TCEA1: variants seen among roughly 807,000 people sequenced by gnomAD.
The protein encoded by TCEA1 is transcription elongation factor A protein 1.
In TCEA1, 21 loss-of-function variants were observed where a neutral mutation model predicts 43.8. The observed-to-expected ratio is 0.48, with a 90% CI of 0.34 to 0.69. TCEA1 has a LOEUF of 0.69. Among genes scored for constraint, TCEA1 ranks in the 30% least tolerant of loss-of-function variants. The pLI is 0.01. For missense variants in TCEA1, 250 were observed against 365.1 expected, an observed-to-expected ratio of 0.68 and a Z score of 2.57; for synonymous variants, 104 against 117.5, an observed-to-expected ratio of 0.88 and a Z score of 0.75.
intron 9 of TCEA1, chr8:53,970,173 C>A (rs756723417): frequency 5.7e-5 from 32 of 561,744 alleles, no homozygotes; most frequent in Non-Finnish European, 8.5e-5. Flanking sequence ...ATTTCCTGCA[C>A]CAAAACAAAT....
intron 2 of TCEA1, among the ~76,000 whole-genome samples, chr8:54,009,570 A>G (rs900865971): frequency 8.5e-5 from 13 of 152,206 alleles, no homozygotes; most frequent in Admixed American, 6.5e-5. Context: ...CAGGCAGAGA[A>G]AGACAAATAC....
At position 54,013,657 on chromosome 8, in the gene TCEA1, G is replaced by T. The variant is rs572876111; in HGVS notation, c.64-3165C>A. Among the ~76,000 whole-genome samples the T allele has an allele frequency of 6.1e-4, 78 of 127,686 alleles. No homozygotes were observed. The South Asian group carries it at 9.0e-3, about 15-fold the overall frequency. The allele number at this position is 127,686 out of a possible 152,430, so 83.8% of individuals were successfully genotyped here. On this transcript the variant is annotated intron_variant, in intron 1 of 9. Coordinates refer to ENST00000521604, the MANE Select transcript of TCEA1 (RefSeq NM_006756.4). ...GATCGTGCCACTGCACTCCAACCTG[G>T]ACGATAGAGCAAAACTCCATCTCAA...
At chr8:54,008,153 A>G (rs1804535439) in intron 2 of TCEA1, among the ~76,000 whole-genome samples, 1 of 141,476 alleles carries the variant, frequency 7.1e-6, no homozygotes, top group Non-Finnish European at 1.5e-5. Context: ...ATCCTGGGCC[A>G]CAGAGTGAAA....
chr8:53,979,376 G>A (rs1803436581), intron 7 of TCEA1, among the ~76,000 whole-genome samples: 2 of 152,158 alleles, frequency 1.3e-5, no homozygotes, highest in South Asian at 4.1e-4. Flanking sequence ...AAGTTTACAT[G>A]TGAAAATTGG....
chr8:53,998,415 G>A (rs1804137025), intron 3 of TCEA1, among the ~76,000 whole-genome samples: 2 of 152,010 alleles, frequency 1.3e-5, no homozygotes, highest in Admixed American at 1.3e-4. Context: ...ATATTCAGGA[G>A]GCATACATAC....
intron 8 of TCEA1, among the ~76,000 whole-genome samples, chr8:53,975,765 TAA>T (rs1312794407): frequency 6.6e-6 from 1 of 152,116 alleles, no homozygotes; most frequent in Non-Finnish European, 1.5e-5. Flanking sequence ...GTTTAATGGG[TAA>T]AGAGTTTCAC....
At chr8:54,018,140 T>C (rs1483204091) in intron 1 of TCEA1, among the ~76,000 whole-genome samples, 1 of 152,238 alleles carries the variant, frequency 6.6e-6, no homozygotes, top group Non-Finnish European at 1.5e-5. Context: ...GTTGCAGTTG[T>C]TATTTTAACT....
At chr8:53,984,256 AATTT>A (rs1803614763) in intron 7 of TCEA1, 103 bp downstream of exon 7, 2 of 1,088,702 alleles carry the variant, frequency 1.8e-6, no homozygotes, top group African/African-American at 1.6e-5. Flanking sequence ...GAATAACGGA[AATTT>A]ATTACATATG....
intron 1 of TCEA1, among the ~76,000 whole-genome samples, chr8:54,015,775 C>T (rs1055231970): frequency 6.6e-6 from 1 of 152,104 alleles, no homozygotes; most frequent in African/African-American, 2.4e-5. Context: ...AATAAAAAGA[C>T]AACCCAATTT....
intron 7 of TCEA1, among the ~76,000 whole-genome samples, chr8:53,980,340 C>A (rs575735355): frequency 6.6e-6 from 1 of 152,338 alleles, no homozygotes; most frequent in South Asian, 2.1e-4. Flanking sequence ...TTATCTTGCT[C>A]TGCGCTATTG....
intron 8 of TCEA1, among the ~76,000 whole-genome samples, chr8:53,975,278 G>C (rs1030904816): frequency 1.3e-5 from 2 of 152,062 alleles, no homozygotes; most frequent in East Asian, 3.9e-4. Flanking sequence ...CAAAATACTG[G>C]TAATTGTTCT....
At chr8:54,017,518 T>C (rs1403431937) in intron 1 of TCEA1, among the ~76,000 whole-genome samples, 1 of 152,222 alleles carries the variant, frequency 6.6e-6, no homozygotes, top group Non-Finnish European at 1.5e-5. Flanking sequence ...TCACCCAGGC[T>C]AAGTGCCTAT....
In TCEA1 at chr8:54,021,008, T is replaced by C. The variant is rs968326856; in HGVS notation, c.63+1055A>G. 2.0e-5 allele frequency among the ~76,000 whole-genome samples: 3 copies of C among 152,088 alleles called. No homozygotes were observed. In the South Asian group the frequency reaches 6.2e-4, roughly 32 times the overall value. On this transcript the variant is annotated intron_variant, in intron 1 of 9. Coordinates refer to ENST00000521604, the MANE Select transcript of TCEA1 (RefSeq NM_006756.4). ...TTCGAGACCAGCCTGGTTAAGATGGTGAAACCCCGTTTCTACTAAAAATAC... is the reference window on the plus strand; with the variant it reads ...TTCGAGACCAGCCTGGTTAAGATGGCGAAACCCCGTTTCTACTAAAAATAC...
chr8:54,017,602 T>C (rs1045523868), intron 1 of TCEA1, among the ~76,000 whole-genome samples: 1 of 152,188 alleles, frequency 6.6e-6, no homozygotes, highest in African/African-American at 2.4e-5. Flanking sequence ...CTGGGCAATA[T>C]GGTGAAACCC....
chr8:54,022,015 G>C (rs765165040), intron 1 of TCEA1, 48 bp downstream of exon 1: 1 of 1,546,368 alleles, frequency 6.5e-7, no homozygotes, highest in Non-Finnish European at 8.7e-7. Context: ...CCTCGGGCCG[G>C]ACCGCGGCCC....
chr8:53,996,818 T>C (rs1464379371), intron 3 of TCEA1, among the ~76,000 whole-genome samples: 4 of 151,772 alleles, frequency 2.6e-5, no homozygotes, highest in Admixed American at 2.6e-4. Flanking sequence ...ATTTGAATAG[T>C]AATGTATTAC....
At chr8:53,977,303 G>A (rs1054670088) in intron 8 of TCEA1, among the ~76,000 whole-genome samples, 1 of 152,196 alleles carries the variant, frequency 6.6e-6, no homozygotes, top group African/African-American at 2.4e-5. Flanking sequence ...CTGGGCAATA[G>A]AGTGAGACTC....
intron 8 of TCEA1, among the ~76,000 whole-genome samples, chr8:53,977,490 C>T (rs1803368681): frequency 6.6e-6 from 1 of 152,082 alleles, no homozygotes; most frequent in African/African-American, 2.4e-5. Context: ...AATTTTTAAC[C>T]ACAAAAATAA....
intron 8 of TCEA1, among the ~76,000 whole-genome samples, chr8:53,975,098 G>A (rs1346792101): frequency 1.4e-5 from 2 of 144,608 alleles, no homozygotes; most frequent in African/African-American, 5.4e-5. Context: ...TATTATTTTT[G>A]TATAGCACTG....
Sources: allele counts gnomAD v4.1 joint callset (sites outside exome capture counted in the v4.1 genomes callset), GRCh38; gene constraint gnomAD v4.1.1; transcripts MANE v1.5; gene names NCBI Gene and HGNC (gene_info 2026-07-23, HGNC 2026-07-21).